NDNF: variants seen among roughly 807,000 people sequenced by gnomAD.
NDNF encodes the protein neuron derived neurotrophic factor, also known as protein NDNF.
In NDNF, 16 loss-of-function variants were observed where a neutral mutation model predicts 42.0. That is an observed-to-expected ratio of 0.38 (90% CI 0.26 to 0.58). NDNF has a LOEUF of 0.58. NDNF is among the 20% of genes least tolerant of loss of function. The pLI, the probability that NDNF is intolerant of heterozygous loss-of-function variation, is 0.67. For synonymous variants in NDNF, 248 were observed against 251.7 expected (o/e 0.99, Z 0.14); for missense variants, 616 against 666.2 (o/e 0.92, Z 0.83).
At chr4:121,042,136 C>T (rs554343694) in intron 2 of NDNF, among the ~76,000 whole-genome samples, 81 of 152,238 alleles carry the variant, frequency 5.3e-4, no homozygotes, top group African/African-American at 1.9e-3. Context: ...ATGTCATTTT[C>T]CTCACAAGGG....
intron 1 of NDNF, among the ~76,000 whole-genome samples, chr4:121,065,783 C>G (rs1727490011): frequency 6.6e-6 from 1 of 151,456 alleles, no homozygotes; most frequent in Non-Finnish European, 1.5e-5. Context: ...TATAAAATAA[C>G]CCCTTCTAAA....
chr4:121,045,452 G>C (rs192110219), intron 2 of NDNF, among the ~76,000 whole-genome samples, 198 bp downstream of exon 2: 26 of 152,206 alleles, frequency 1.7e-4, no homozygotes, highest in Admixed American at 1.6e-3. Flanking sequence ...AAAAGGAGAT[G>C]ACAATCAGCA....
chr4:121,048,960 T>C (rs957020152), intron 1 of NDNF, among the ~76,000 whole-genome samples: 3 of 152,222 alleles, frequency 2.0e-5, no homozygotes, highest in Non-Finnish European at 2.9e-5. Context: ...AACAACACTA[T>C]AATGTAGGCA....
intron 3 of NDNF, among the ~76,000 whole-genome samples, chr4:121,039,182 G>A (rs113880846): frequency 0.11 from 1,502 of 13,688 alleles, 151 homozygotes; most frequent in East Asian, 0.23. Context: ...AAGACTATGT[G>A]TGTGTGTGTG....
chr4:121,043,291 C>G (rs1018149282), intron 2 of NDNF, among the ~76,000 whole-genome samples: 1 of 152,132 alleles, frequency 6.6e-6, no homozygotes, highest in Admixed American at 6.5e-5. Context: ...AATGCATTTG[C>G]TGTCTTTTTA....
At chr4:121,041,771 C>T (rs1041432427) in intron 2 of NDNF, among the ~76,000 whole-genome samples, 2 of 152,118 alleles carry the variant, frequency 1.3e-5, no homozygotes, top group African/African-American at 4.8e-5. Flanking sequence ...GAAAAAGCAT[C>T]CCCGAAGAAA....
chr4:121,042,751 T>G (rs1014255104), intron 2 of NDNF, among the ~76,000 whole-genome samples: 2 of 152,186 alleles, frequency 1.3e-5, no homozygotes, highest in Admixed American at 6.5e-5. Flanking sequence ...CAAAACTTCG[T>G]GTTTGATTTT....
At position 121,035,822 on chromosome 4, in the gene NDNF, T is replaced by C. The variant is rs528684494; in HGVS notation, c.*442A>G. 2.8e-3 allele frequency: 431 copies of C among 153,222 alleles called. No homozygotes were observed. Among genetic ancestry groups the C allele is most frequent in the Non-Finnish European group, 4.6e-3 (316 of 68,404 alleles). 9.5% of individuals were successfully genotyped at this position (153,222 alleles called of 1,614,324 possible). On this transcript the variant is annotated 3_prime_UTR_variant, in exon 4 of 4. Transcript: ENST00000379692. ...GTACTTTAATAGGAAAAGAATTTAA[T>C]AGTTTACAATCATAGAAACACTGAC... is the stretch of plus-strand genomic sequence containing the variant.
chr4:121,058,046 A>C (rs953885004), intron 1 of NDNF, among the ~76,000 whole-genome samples: 11 of 152,160 alleles, frequency 7.2e-5, no homozygotes, highest in Admixed American at 5.9e-4. Context: ...TCTTGTCCTT[A>C]TAAAAAAGCT....
intron 1 of NDNF, among the ~76,000 whole-genome samples, chr4:121,064,718 A>T (rs550030196): frequency 1.2e-4 from 18 of 152,288 alleles, no homozygotes; most frequent in African/African-American, 2.4e-4. Flanking sequence ...ATTGTGATTT[A>T]AAAAAGTGTG....
intron 1 of NDNF, among the ~76,000 whole-genome samples, chr4:121,060,538 A>G (rs1727386856): frequency 6.6e-6 from 1 of 152,168 alleles, no homozygotes; most frequent in African/African-American, 2.4e-5. Context: ...TGTTTAACAC[A>G]AAGCCCACTA....
At chr4:121,053,679 C>T (rs72684093) in intron 1 of NDNF, among the ~76,000 whole-genome samples, 144 of 152,336 alleles carry the variant, frequency 9.5e-4, no homozygotes, top group Middle Eastern at 3.4e-3. Flanking sequence ...TAAATACCTT[C>T]TTCCTATCAA....
At chr4:121,053,973 A>G (rs1343337267) in intron 1 of NDNF, among the ~76,000 whole-genome samples, 1 of 152,212 alleles carries the variant, frequency 6.6e-6, no homozygotes, top group Non-Finnish European at 1.5e-5. Flanking sequence ...GCATTCAGCA[A>G]CAGCACGTAT....
At chr4:121,062,062 CA>C (rs1727421520) in intron 1 of NDNF, among the ~76,000 whole-genome samples, 1 of 152,066 alleles carries the variant, frequency 6.6e-6, no homozygotes, top group African/African-American at 2.4e-5. Flanking sequence ...TATTCGGCAG[CA>C]AAAAACACGT....
At chr4:121,065,856 G>C (rs1727491147) in intron 1 of NDNF, among the ~76,000 whole-genome samples, 1 of 151,306 alleles carries the variant, frequency 6.6e-6, no homozygotes, top group Admixed American at 6.6e-5. Flanking sequence ...ATGTTAGCTG[G>C]TATCAGTTTA....
In NDNF at chr4:121,036,201, A is replaced by T. The variant is rs975559344; in HGVS notation, c.*63T>A. On this transcript the variant is annotated 3_prime_UTR_variant, in exon 4 of 4. Transcript: ENST00000379692. ...TCTCAACTGTGGGAGTAGTCAGTTTATACTTAAAGTGATTTAATGTCCCTC... is the reference window on the plus strand; with the variant it reads ...TCTCAACTGTGGGAGTAGTCAGTTTTTACTTAAAGTGATTTAATGTCCCTC... 6.6e-6 allele frequency: 9 copies of T among 1,353,920 alleles called. No individual in the cohort carries two copies. In the African/African-American group the frequency reaches 1.3e-4, roughly 20 times the overall value. The allele number at this position is 1,353,920 out of a possible 1,614,324, so 83.9% of individuals were successfully genotyped here.
intron 2 of NDNF, among the ~76,000 whole-genome samples, chr4:121,045,303 G>A (rs1727070164): frequency 1.3e-5 from 2 of 151,038 alleles, no homozygotes; most frequent in South Asian, 2.1e-4. Flanking sequence ...AGTCAGCCGA[G>A]ATTGTGCCAC....
chr4:121,038,778 G>C (rs1475675242), intron 3 of NDNF: 1 of 152,122 alleles, frequency 6.6e-6, no homozygotes, highest in East Asian at 1.9e-4. Context: ...CTTGAGCTCA[G>C]GAGTTTGAGA....
At chr4:121,066,071 C>T (rs577505239) in intron 1 of NDNF, among the ~76,000 whole-genome samples, 2 of 152,224 alleles carry the variant, frequency 1.3e-5, no homozygotes, top group South Asian at 4.2e-4. Context: ...ACCTCTAAGG[C>T]CATCTCTCAT....
Sources: allele counts gnomAD v4.1 joint callset (sites outside exome capture counted in the v4.1 genomes callset), GRCh38; gene constraint gnomAD v4.1.1; transcripts MANE v1.5; gene names NCBI Gene and HGNC (gene_info 2026-07-23, HGNC 2026-07-21).